Variants in ZNF724 observed in about 807,000 individuals in gnomAD.
ZNF724 encodes zinc finger protein 724 pseudogene.
A neutral mutation model predicts 29.3 loss-of-function variants in ZNF724; 14 were observed. The ratio of observed to expected loss-of-function variants is 0.48; its 90% CI spans 0.32 to 0.75. ZNF724 has a LOEUF of 0.75. ZNF724 is among the 30% of genes least tolerant of loss of function. The probability of loss-of-function intolerance (pLI) is 0.04; values close to 1 mark genes in which losing one functional copy is unlikely to be tolerated. For missense variants in ZNF724, 557 were observed against 571.2 expected (o/e 0.98, Z 0.25); for synonymous variants, 180 against 193.6 (o/e 0.93, Z 0.58).
At chr19:23,247,287 T>G (rs1972256784) in intron 1 of ZNF724, among the ~76,000 whole-genome samples, 1 of 152,058 alleles carries the variant, frequency 6.6e-6, no homozygotes, top group African/African-American at 2.4e-5. Context: ...AAAAAGTAAA[T>G]GAGAATTTTT....
chr19:23,246,186 T>C (rs962341323), intron 1 of ZNF724, among the ~76,000 whole-genome samples: 16 of 152,280 alleles, frequency 1.1e-4, no homozygotes, highest in African/African-American at 3.9e-4. Flanking sequence ...TCAAACACAG[T>C]GCTCATATAA....
At chr19:23,234,942 T>A (rs1052546175) in intron 1 of ZNF724, among the ~76,000 whole-genome samples, 2 of 152,174 alleles carry the variant, frequency 1.3e-5, no homozygotes, top group African/African-American at 4.8e-5. Context: ...CAGAGTCCCT[T>A]ACACTCAGCA....
intron 3 of ZNF724, among the ~76,000 whole-genome samples, chr19:23,227,079 A>C (rs1411207034): frequency 6.6e-6 from 1 of 152,210 alleles, no homozygotes; most frequent in Non-Finnish European, 1.5e-5. Context: ...CATGGAAGGC[A>C]GGTATTATGA....
intron 3 of ZNF724, among the ~76,000 whole-genome samples, chr19:23,226,196 C>A (rs982744413): frequency 1.3e-5 from 2 of 152,126 alleles, no homozygotes; most frequent in East Asian, 3.9e-4. Context: ...GGACTACAGG[C>A]GCCCTCCACC....
intron 1 of ZNF724, among the ~76,000 whole-genome samples, chr19:23,241,275 A>T (rs968337741): frequency 6.6e-6 from 1 of 152,228 alleles, no homozygotes; most frequent in African/African-American, 2.4e-5. Flanking sequence ...TACCAACTAA[A>T]AAAACCCAAG....
intron 1 of ZNF724, among the ~76,000 whole-genome samples, chr19:23,240,142 C>T (rs12460773): frequency 0.48 from 72,920 of 151,712 alleles, 19,211 homozygotes; most frequent in East Asian, 0.68. Flanking sequence ...ATGGTGAAAC[C>T]CCCTCTGTAC....
intron 1 of ZNF724, among the ~76,000 whole-genome samples, chr19:23,246,214 G>A (rs987688052): frequency 6.6e-6 from 1 of 152,042 alleles, no homozygotes. Flanking sequence ...AAAATTTAAG[G>A]TGCTTAAGTT....
At chr19:23,234,157 T>A (rs1971985493) in intron 1 of ZNF724, among the ~76,000 whole-genome samples, 1 of 152,160 alleles carries the variant, frequency 6.6e-6, no homozygotes. Flanking sequence ...CATCCTTCAG[T>A]GGAAAAGTAA....
chr19:23,249,723 G>A (rs1365641517), intron 1 of ZNF724, among the ~76,000 whole-genome samples: 2 of 152,068 alleles, frequency 1.3e-5, no homozygotes, highest in Non-Finnish European at 2.9e-5. Context: ...TAGTAGAGAT[G>A]GGGTTTCGCC....
Position 23,239,353 on chromosome 19 carries a change from A to G in ZNF724, c.4-7060T>C, listed in dbSNP as rs551273600. On this transcript the variant is annotated intron_variant, in intron 1 of 3. Coordinates refer to ENST00000418100, the MANE Select transcript of ZNF724 (RefSeq NM_001355404.2). Reference sequence around the variant, plus strand: ...AATCCTCAGCAAATTCAATTTTCCCAAAGTCATACCAAACACACACTTAGG... The same window carrying G: ...AATCCTCAGCAAATTCAATTTTCCCGAAGTCATACCAAACACACACTTAGG... Among the ~76,000 whole-genome samples the G allele has an allele frequency of 8.2e-5, 12 of 147,032 alleles. No individual in the cohort carries two copies. The South Asian group carries it at 2.6e-3, about 32-fold the overall frequency.
At chr19:23,233,558 T>C (rs527703742) in intron 1 of ZNF724, among the ~76,000 whole-genome samples, 2 of 152,258 alleles carry the variant, frequency 1.3e-5, no homozygotes, top group South Asian at 4.1e-4. Context: ...AGATCATAAA[T>C]TAATGGTGAT....
intron 3 of ZNF724, among the ~76,000 whole-genome samples, chr19:23,224,901 G>A (rs1971798246): frequency 1.3e-5 from 2 of 151,196 alleles, no homozygotes; most frequent in African/African-American, 4.9e-5. Flanking sequence ...GTTGCAGTGA[G>A]CCGAGATCAC....
intron 3 of ZNF724, among the ~76,000 whole-genome samples, chr19:23,225,856 A>G (rs938008204): frequency 6.6e-6 from 1 of 152,010 alleles, no homozygotes; most frequent in East Asian, 1.9e-4. Flanking sequence ...AAAAATTTCT[A>G]GAAGTGTTTT....
intron 3 of ZNF724, among the ~76,000 whole-genome samples, chr19:23,225,069 T>C (rs1971802864): frequency 6.6e-6 from 1 of 152,188 alleles, no homozygotes; most frequent in South Asian, 2.1e-4. Context: ...GATGCAGCCA[T>C]TATTTTAAAA....
intron 1 of ZNF724, chr19:23,236,559 CT>C: frequency 1.3e-5 from 2 of 153,172 alleles, no homozygotes; most frequent in Middle Eastern, 2.0e-3. Context: ...CGCTCTTCAT[CT>C]TAGTAAAATT....
chr19:23,241,065 A>T (rs1319297163), intron 1 of ZNF724, among the ~76,000 whole-genome samples: 1 of 152,062 alleles, frequency 6.6e-6, no homozygotes, highest in African/African-American at 2.4e-5. Flanking sequence ...AAAAAAAAAG[A>T]CTACAGAGAC....
At position 23,222,694 on chromosome 19, in the gene ZNF724, T is replaced by C. The variant is rs756140229; in HGVS notation, c.1551A>G (p.Gln517=). The C allele has an allele frequency of 1.6e-5, 22 of 1,398,792 alleles. No individual in the cohort carries two copies. The African/African-American group carries it at 1.8e-4, about 12-fold the overall frequency. 86.6% of individuals were successfully genotyped at this position (1,398,792 alleles called of 1,614,324 possible). A position where few individuals can be genotyped will look rare whatever the true frequency, so the allele number is the denominator to read the frequency against. ...KCKECGKAFN[Q]SSTLARHKII... ...TCTTATGTCTAGCAAGTGTCGAGGA[T>C]TGGTTAAAAGCTTTGCCACATTCTT... Residue 517 remains glutamine, a synonymous_variant, in exon 4 of 4, where the codon CAA becomes CAG. Coordinates refer to ENST00000418100, the MANE Select transcript of ZNF724 (RefSeq NM_001355404.2).
At chr19:23,239,078 G>A (rs773258695) in intron 1 of ZNF724, among the ~76,000 whole-genome samples, 1 of 152,148 alleles carries the variant, frequency 6.6e-6, no homozygotes, top group Non-Finnish European at 1.5e-5. Flanking sequence ...AATAAAGCAA[G>A]TTCTTACGGA....
chr19:23,246,107 T>A (rs80211550), intron 1 of ZNF724, among the ~76,000 whole-genome samples: 2,438 of 152,230 alleles, frequency 0.016, 58 homozygotes, highest in African/African-American at 0.055. Context: ...GGCTCAAGCT[T>A]TACTTTTCCA....
Sources: gnomAD v4.1 joint callset for allele counts (sites outside exome capture counted in the v4.1 genomes callset) on GRCh38, gnomAD v4.1.1 for gene constraint, MANE v1.5 for transcripts, NCBI Gene and HGNC (gene_info 2026-07-23, HGNC 2026-07-21) for gene names.